Variants in CALD1 observed in about 807,000 individuals in gnomAD.
CALD1 encodes caldesmon 1.
Under a neutral mutation model 99.9 loss-of-function variants are expected in CALD1, and 33 were observed. The ratio of observed to expected loss-of-function variants is 0.33; its 90% CI spans 0.25 to 0.44. CALD1 has a LOEUF of 0.44. Among genes scored for constraint, CALD1 ranks in the 20% least tolerant of loss-of-function variants. The probability of loss-of-function intolerance (pLI) is 1.00; values close to 1 mark genes in which losing one functional copy is unlikely to be tolerated. For missense variants in CALD1, 861 were observed against 962.1 expected, an observed-to-expected ratio of 0.89 and a Z score of 1.39; for synonymous variants, 310 against 325.0, an observed-to-expected ratio of 0.95 and a Z score of 0.50.
intron 2 of CALD1, among the ~76,000 whole-genome samples, chr7:134,855,052 G>C (rs998534375): frequency 1.3e-5 from 2 of 152,152 alleles, no homozygotes; most frequent in Non-Finnish European, 2.9e-5. Context: ...CACTATGATT[G>C]AAAGTCTCCT....
the CALD1 span, among the ~76,000 whole-genome samples, chr7:134,711,680 ATGTGTGTGTG>A: frequency 0.15 from 16,531 of 109,212 alleles, 1,490 homozygotes; most frequent in South Asian, 0.23. Context: ...ATATATATAT[ATGTGTGTGTG>A]TGTGTGTGTG....
In CALD1 at chr7:134,867,451, G is replaced by A. The variant is rs2075463; in HGVS notation, c.-41-242G>A. Among the ~76,000 whole-genome samples, 37,154 of 152,028 alleles carry A rather than the reference G, an allele frequency of 0.24. 6,012 individuals are homozygous for A. Among genetic ancestry groups the A allele is most frequent in the East Asian group, 0.68 (3,540 of 5,168 alleles). On this transcript the variant is annotated intron_variant, in intron 2 of 14. Transcript: ENST00000361675. ...AAGTCTTCAAAACCTCTCTGTCTCC[G>A]GAGGTCTTTTTTAAAGAATAAATAA...
rs753412182 is a variant in CALD1, at chr7:134,765,949, CCT to C, written c.-130+21601_-130+21602del. On this transcript the variant is annotated intron_variant, in intron 1 of 13. Coordinates refer to the CALD1 transcript ENST00000417172. The stretch of plus-strand genomic sequence containing the variant: ...TCTGGCTGTTTAAAAGTGTATGGCA[CCT>C]CTCTCTCTCTCTCTTTCTCTCTCTC... 1.5e-3 allele frequency among the ~76,000 whole-genome samples: 220 copies of C among 149,942 alleles called. 2 individuals are homozygous for C. The highest frequency in any genetic ancestry group is 2.5e-3 in the Admixed American group (37 of 15,032).
At chr7:134,937,409 T>C (rs1415468955) in intron 6 of CALD1, among the ~76,000 whole-genome samples, 1 of 152,170 alleles carries the variant, frequency 6.6e-6, no homozygotes. Flanking sequence ...TTGGCTTGTT[T>C]TTGACACAAG....
upstream of CALD1, among the ~76,000 whole-genome samples, chr7:134,740,134 T>C (rs1465638673): frequency 6.6e-6 from 1 of 152,152 alleles, no homozygotes; most frequent in African/African-American, 2.4e-5. Context: ...TGAACAATCA[T>C]ACCCAAAATG....
At chr7:134,740,765 T>C (rs1796586095), upstream of CALD1, among the ~76,000 whole-genome samples, 1 of 152,248 alleles carries the variant, frequency 6.6e-6, no homozygotes, top group African/African-American at 2.4e-5. Context: ...TTTTTCGTGC[T>C]GCACTACTCC....
intron 2 of CALD1, among the ~76,000 whole-genome samples, chr7:134,861,038 G>A (rs898525715): frequency 6.6e-6 from 1 of 152,190 alleles, no homozygotes; most frequent in African/African-American, 2.4e-5. Flanking sequence ...AAAATTAAAT[G>A]AGAACAGACT....
chr7:134,960,740 T>TA, intron 13 of CALD1, 112 bp downstream of exon 13: 1 of 656,954 alleles, frequency 1.5e-6, no homozygotes, highest in Non-Finnish European at 2.7e-6. Flanking sequence ...TGTTCTTTGC[T>TA]TTCCCTGATG....
At chr7:134,741,233 T>C (rs1796589554), upstream of CALD1, among the ~76,000 whole-genome samples, 1 of 152,056 alleles carries the variant, frequency 6.6e-6, no homozygotes. Context: ...AAACTTACAG[T>C]TATGGTGGAA....
At chr7:134,867,887 C>A in intron 3 of CALD1, 83 bp downstream of exon 3, 1 of 744,578 alleles carries the variant, frequency 1.3e-6, no homozygotes, top group Non-Finnish European at 2.2e-6. Flanking sequence ...TTTTGAGAGG[C>A]CAAATGTGGT....
chr7:134,916,541 T>C (rs1425809559), intron 3 of CALD1, among the ~76,000 whole-genome samples: 1 of 152,218 alleles, frequency 6.6e-6, no homozygotes, highest in Non-Finnish European at 1.5e-5. Flanking sequence ...AAGCAGAGCC[T>C]GTCTAGAGAG....
chr7:134,891,681 C>A, intron 3 of CALD1: 1 of 1,576,192 alleles, frequency 6.3e-7, no homozygotes, highest in Non-Finnish European at 8.6e-7. Context: ...CCAGTGAGTC[C>A]TCATTTCGTC....
chr7:134,803,770 G>C lies in CALD1; in HGVS notation c.-130+24021G>C, dbSNP rs1034760516. Among the ~76,000 whole-genome samples, 5 of 148,432 alleles carry C rather than the reference G, an allele frequency of 3.4e-5. No homozygotes were observed. In the Admixed American group the frequency reaches 3.4e-4, roughly 10 times the overall value. ...GAGTGCAGTGGCACAATCTCGGCTCGCTGCAACCTTCGCCTCCTGGGTTTA... is the reference window on the plus strand; with the variant it reads ...GAGTGCAGTGGCACAATCTCGGCTCCCTGCAACCTTCGCCTCCTGGGTTTA... On this transcript the variant is annotated intron_variant, in intron 1 of 14. Transcript: ENST00000361675.
chr7:134,731,165 C>A, the CALD1 span, among the ~76,000 whole-genome samples: 2 of 152,084 alleles, frequency 1.3e-5, no homozygotes, highest in African/African-American at 4.8e-5. Flanking sequence ...ACATGCTCTT[C>A]CACACTCTCT....
chr7:134,907,645 T>C (rs1803492234), intron 3 of CALD1, among the ~76,000 whole-genome samples: 1 of 152,184 alleles, frequency 6.6e-6, no homozygotes. Context: ...ATATTAGGAT[T>C]GTGTTTTTTT....
chr7:134,715,678 A>G, the CALD1 span, among the ~76,000 whole-genome samples: 3 of 152,158 alleles, frequency 2.0e-5, no homozygotes, highest in East Asian at 5.8e-4. Context: ...GTTTATATTT[A>G]TTTTCCTCTG....
intron 1 of CALD1, among the ~76,000 whole-genome samples, chr7:134,811,792 C>G (rs1000413003): frequency 1.3e-5 from 2 of 152,178 alleles, no homozygotes; most frequent in Non-Finnish European, 2.9e-5. Flanking sequence ...TGTTCTACCC[C>G]GATCTGGTTC....
At chr7:134,754,593 T>C (rs1796712167) in intron 1 of CALD1, among the ~76,000 whole-genome samples, 1 of 152,096 alleles carries the variant, frequency 6.6e-6, no homozygotes, top group Non-Finnish European at 1.5e-5. Flanking sequence ...CTGCTTGACA[T>C]ACAAGAAAAT....
At chr7:134,720,786 T>C in the CALD1 span, among the ~76,000 whole-genome samples, 1 of 152,176 alleles carries the variant, frequency 6.6e-6, no homozygotes, top group Non-Finnish European at 1.5e-5. Context: ...ACAAGAAATG[T>C]CAGATGATTT....
Sources: allele counts gnomAD v4.1 joint callset (sites outside exome capture counted in the v4.1 genomes callset), GRCh38; gene constraint gnomAD v4.1.1; transcripts MANE v1.5; gene names NCBI Gene and HGNC (gene_info 2026-07-23, HGNC 2026-07-21).